Variants in CCL28 observed in about 807,000 individuals in gnomAD.
The protein encoded by CCL28 is C-C motif chemokine ligand 28.
In CCL28, 4 loss-of-function variants were observed where a neutral mutation model predicts 7.1. That is an observed-to-expected ratio of 0.56 (90% CI 0.28 to 1.29). CCL28 has a LOEUF of 1.29. Ranked by LOEUF, CCL28 falls within the 50% of genes most tolerant of loss-of-function variation. The pLI is 0.11. For missense variants in CCL28, 151 were observed against 163.4 expected, an observed-to-expected ratio of 0.92 and a Z score of 0.41; for synonymous variants, 55 against 57.8, an observed-to-expected ratio of 0.95 and a Z score of 0.22.
At chr5:43,373,907 T>C (rs1739835702), downstream of CCL28, among the ~76,000 whole-genome samples, 1 of 152,148 alleles carries the variant, frequency 6.6e-6, no homozygotes, top group Admixed American at 6.5e-5. Context: ...TGAGCAGAAA[T>C]AGAGATATGT....
chr5:43,399,066 C>G (rs929033783), intron 1 of CCL28, among the ~76,000 whole-genome samples: 3 of 152,140 alleles, frequency 2.0e-5, no homozygotes, highest in Non-Finnish European at 4.4e-5. Context: ...ATTGAATATG[C>G]ACTTGGATAT....
chr5:43,357,749 T>C, the CCL28 span, among the ~76,000 whole-genome samples: 3 of 151,962 alleles, frequency 2.0e-5, no homozygotes, highest in Admixed American at 1.3e-4. Context: ...CCAAATCCAA[T>C]CTAAATCAAT....
At chr5:43,365,509 G>T in the CCL28 span, among the ~76,000 whole-genome samples, 12 of 152,138 alleles carry the variant, frequency 7.9e-5, no homozygotes, top group Admixed American at 7.9e-4. Context: ...TGGTATTGTT[G>T]TTTTTTTCTC....
chr5:43,410,496 CTTA>C (rs981804079), intron 1 of CCL28, among the ~76,000 whole-genome samples: 27 of 152,208 alleles, frequency 1.8e-4, no homozygotes, highest in African/African-American at 6.5e-4. Context: ...GGCTCCCTTC[CTTA>C]TTATCACCAG....
chr5:43,357,848 C>A, the CCL28 span, among the ~76,000 whole-genome samples: 1 of 152,280 alleles, frequency 6.6e-6, no homozygotes, highest in Admixed American at 6.5e-5. Flanking sequence ...ATTAAGATAT[C>A]TTGTAATTCC....
chr5:43,370,747 T>C, the CCL28 span, among the ~76,000 whole-genome samples: 7 of 150,790 alleles, frequency 4.6e-5, no homozygotes, highest in South Asian at 2.1e-4. Flanking sequence ...TCTCTCTCTT[T>C]TTTTTTTTTT....
At chr5:43,370,654 A>C in the CCL28 span, among the ~76,000 whole-genome samples, 1 of 151,830 alleles carries the variant, frequency 6.6e-6, no homozygotes, top group Non-Finnish European at 1.5e-5. Context: ...CTTCTTGAGA[A>C]GGTCTGATTT....
chr5:43,404,856 A>G (rs1167645968), intron 1 of CCL28, among the ~76,000 whole-genome samples: 1 of 152,210 alleles, frequency 6.6e-6, no homozygotes, highest in Non-Finnish European at 1.5e-5. Context: ...CAGGGTTGCA[A>G]TCCTAGTCTC....
At chr5:43,361,523 G>C in the CCL28 span, among the ~76,000 whole-genome samples, 1 of 152,102 alleles carries the variant, frequency 6.6e-6, no homozygotes, top group Non-Finnish European at 1.5e-5. Flanking sequence ...TTTTGCTTTT[G>C]TTGCAAGTGC....
chr5:43,373,310 T>C (rs2111641505), downstream of CCL28, among the ~76,000 whole-genome samples: 1 of 152,104 alleles, frequency 6.6e-6, no homozygotes, highest in East Asian at 1.9e-4. Flanking sequence ...TTTTTGTGTG[T>C]GTGTGTGTGA....
the CCL28 span, among the ~76,000 whole-genome samples, chr5:43,357,829 T>C: frequency 2.0e-5 from 3 of 152,212 alleles, no homozygotes; most frequent in Admixed American, 6.5e-5. Flanking sequence ...CATGTTATTT[T>C]AATGCTCAAT....
the CCL28 span, among the ~76,000 whole-genome samples, chr5:43,370,329 T>G: frequency 1.3e-5 from 2 of 152,174 alleles, no homozygotes; most frequent in South Asian, 4.1e-4. Context: ...TCACACATCA[T>G]ATCGCTTAAT....
intron 1 of CCL28, among the ~76,000 whole-genome samples, chr5:43,402,529 A>G (rs1203926773): frequency 1.3e-5 from 2 of 152,210 alleles, no homozygotes; most frequent in African/African-American, 4.8e-5. Context: ...TCTGTTCTAA[A>G]AAATTGGTGT....
intron 1 of CCL28, among the ~76,000 whole-genome samples, chr5:43,389,576 A>G (rs1740485701): frequency 6.6e-6 from 1 of 152,226 alleles, no homozygotes; most frequent in Non-Finnish European, 1.5e-5. Context: ...ATTAAGAATC[A>G]CAAGAAAATC....
chr5:43,361,996 T>C, the CCL28 span, among the ~76,000 whole-genome samples: 2 of 152,324 alleles, frequency 1.3e-5, no homozygotes, highest in East Asian at 1.9e-4. Flanking sequence ...TTCGGTTCCA[T>C]ATGAATTTTA....
intron 1 of CCL28, among the ~76,000 whole-genome samples, chr5:43,393,346 G>A (rs1024204420): frequency 6.9e-6 from 1 of 145,778 alleles, no homozygotes; most frequent in Non-Finnish European, 1.5e-5. Flanking sequence ...CCTTTCTTCC[G>A]TTTTTTTTTT....
At chr5:43,366,945 G>C in the CCL28 span, among the ~76,000 whole-genome samples, 1 of 152,354 alleles carries the variant, frequency 6.6e-6, no homozygotes, top group Middle Eastern at 3.4e-3. Flanking sequence ...TGTTTAAACT[G>C]TGTTTGTGTT....
chr5:43,384,607 A>G (rs1306463818), intron 2 of CCL28, among the ~76,000 whole-genome samples: 1 of 150,894 alleles, frequency 6.6e-6, no homozygotes, highest in African/African-American at 2.4e-5. Context: ...GTAGGTGGAG[A>G]GTTTTGACTG....
At chr5:43,364,665 C>T in the CCL28 span, among the ~76,000 whole-genome samples, 1 of 152,054 alleles carries the variant, frequency 6.6e-6, no homozygotes, top group Non-Finnish European at 1.5e-5. Flanking sequence ...GTGTTAAAGT[C>T]TCCCATTATT....
Sources: allele counts gnomAD v4.1 joint callset (sites outside exome capture counted in the v4.1 genomes callset), GRCh38; gene constraint gnomAD v4.1.1; transcripts MANE v1.5; gene names NCBI Gene and HGNC (gene_info 2026-07-23, HGNC 2026-07-21).